Variants in NUF2 observed in about 807,000 individuals in gnomAD.
The protein encoded by NUF2 is kinetochore protein Nuf2.
In NUF2, 34 loss-of-function variants were observed where a neutral mutation model predicts 61.8. The ratio of observed to expected loss-of-function variants is 0.55; its 90% confidence interval spans 0.42 to 0.73. NUF2 has a LOEUF of 0.73. Among genes scored for constraint, NUF2 ranks in the 30% least tolerant of loss-of-function variants. NUF2 has a pLI of 0.00. For missense variants in NUF2, 445 were observed against 539.1 expected, an observed-to-expected ratio of 0.83 and a Z score of 1.73; for synonymous variants, 172 against 181.6, an observed-to-expected ratio of 0.95 and a Z score of 0.42.
chr1:163,334,251 A>T (rs540406823), intron 5 of NUF2, among the ~76,000 whole-genome samples: 2 of 152,302 alleles, frequency 1.3e-5, no homozygotes, highest in Middle Eastern at 6.8e-3. Context: ...TATGTTTGCT[A>T]TTGTGAATAG....
In NUF2 at chr1:163,346,716, A is replaced by G. The variant is rs181186031; in HGVS notation, c.948+898A>G. Among the ~76,000 whole-genome samples, 233 of 152,284 alleles carry G rather than the reference A, an allele frequency of 1.5e-3. 1 individual carries two copies. Among genetic ancestry groups the G allele is most frequent in the Admixed American group, 3.3e-3 (51 of 15,298 alleles). On this transcript the variant is annotated intron_variant, in intron 11 of 13. Transcript: ENST00000271452. ...AGAAAATTTTAAAAATTAGCCAGCTATAATGGTGTATGTCTGTAGTCCCAG... is the reference window on the plus strand; with the variant it reads ...AGAAAATTTTAAAAATTAGCCAGCTGTAATGGTGTATGTCTGTAGTCCCAG...
intron 11 of NUF2, among the ~76,000 whole-genome samples, chr1:163,346,561 T>G (rs553356950): frequency 2.0e-5 from 3 of 152,236 alleles, no homozygotes; most frequent in Non-Finnish European, 2.9e-5. Flanking sequence ...GATGATTCAC[T>G]TCCAGGGTCA....
Position 163,324,966 on chromosome 1 carries a change from A to G in NUF2, c.-20-1066A>G, listed in dbSNP as rs571170562. Among the ~76,000 whole-genome samples the G allele has an allele frequency of 1.1e-3, 162 of 144,274 alleles. 1 individual carries two copies. The highest frequency in any genetic ancestry group is 3.9e-3 in the African/African-American group (153 of 38,882). The allele number at this position is 144,274 out of a possible 152,430, so 94.6% of individuals were successfully genotyped here. A position where few individuals can be genotyped will look rare whatever the true frequency, so the allele number is the denominator to read the frequency against. ...GGCTGGAGTGCAGTGGTGCGATCTC[A>G]GTTCATTGCAACTTCTGCTTCCCAG... On this transcript the variant is annotated intron_variant, in intron 1 of 13. Transcript: ENST00000271452.
chr1:163,327,589 G>T, intron 3 of NUF2, 27 bp downstream of exon 3: 1 of 1,459,406 alleles, frequency 6.9e-7, no homozygotes, highest in South Asian at 1.1e-5. Flanking sequence ...GCAAAATTAT[G>T]GGGTTTTTTT....
chr1:163,329,131 C>T (rs562278241), intron 5 of NUF2, among the ~76,000 whole-genome samples: 1 of 151,918 alleles, frequency 6.6e-6, no homozygotes, highest in East Asian at 1.9e-4. Flanking sequence ...TTTTTTAAAA[C>T]TCCTTCCATT....
Position 163,355,556 on chromosome 1 carries a change from C to A in NUF2, c.*87C>A. On this transcript the variant is annotated 3_prime_UTR_variant, in exon 14 of 14. Transcript: ENST00000271452. ...GAAAAGTTGAAGCGAATGGAAGTAT[C>A]AGAAGTACCAAATAATGTTGGCTTC... is the stretch of plus-strand genomic sequence containing the variant. The A allele has an allele frequency of 8.6e-7, 1 of 1,162,864 alleles. No homozygotes were observed. The highest frequency in any genetic ancestry group is 2.6e-5 in the Admixed American group (1 of 38,676). 72.0% of individuals were successfully genotyped at this position (1,162,864 alleles called of 1,614,324 possible).
intron 9 of NUF2, 41 bp downstream of exon 9, chr1:163,340,467 A>G: frequency 2.1e-6 from 3 of 1,457,146 alleles, no homozygotes; most frequent in Admixed American, 1.7e-5. Flanking sequence ...AAGTTTGAAT[A>G]TATTGTGTGG....
chr1:163,326,020 T>G lies in NUF2; in HGVS notation c.-20-12T>G, dbSNP rs1650405256. On this transcript the variant is annotated splice_polypyrimidine_tract_variant and intron_variant, in intron 1 of 13. Transcript: ENST00000271452. ...ATCATGTGGTATTTCTCATTGTTTTTTCTTCCTTCAGATTAACAGGAAACT... is the reference window on the plus strand; with the variant it reads ...ATCATGTGGTATTTCTCATTGTTTTGTCTTCCTTCAGATTAACAGGAAACT... The G allele has an allele frequency of 6.2e-7, 1 of 1,603,730 alleles. No individual in the cohort carries two copies. Among genetic ancestry groups the G allele is most frequent in the Non-Finnish European group, 8.5e-7 (1 of 1,172,908 alleles).
intron 2 of NUF2, 48 bp downstream of exon 2, chr1:163,326,222 AG>A: frequency 6.3e-7 from 1 of 1,591,826 alleles, no homozygotes; most frequent in Non-Finnish European, 8.6e-7. Flanking sequence ...TTAGGGAAAA[AG>A]TAAGCTACTA....
At chr1:163,343,237 G>T (rs1483576564) in intron 9 of NUF2, among the ~76,000 whole-genome samples, 1 of 152,116 alleles carries the variant, frequency 6.6e-6, no homozygotes, top group Non-Finnish European at 1.5e-5. Context: ...ACTCCAATTT[G>T]CTCAGTCTTA....
rs765007094 is a variant in NUF2 at position 163,345,684 on chromosome 1, G to A, written c.814G>A (p.Val272Met). Residue 272 changes from valine (V) to methionine (M), a missense_variant, in exon 11 of 14, where the codon GTG becomes ATG. Val to Met is a conservative substitution (Grantham distance 21). Transcript: ENST00000271452. ...TGTTTTTTGTCTTTCAAAGCAAGAA[G>A]TGGTGGAGAAATATGAAATCTATGG... is the stretch of plus-strand genomic sequence containing the variant. ...VQKLKNARQE[V>M]VEKYEIYGDS... The A allele has an allele frequency of 3.7e-5, 59 of 1,610,200 alleles. No homozygotes were observed. Among genetic ancestry groups the A allele is most frequent in the Non-Finnish European group, 4.8e-5 (57 of 1,178,860 alleles).
At chr1:163,355,139 C>CT (rs11379728) in intron 13 of NUF2, among the ~76,000 whole-genome samples, 196 bp from the exon 14 acceptor site, 135,963 of 152,022 alleles carry the variant, frequency 0.89, 61,559 homozygotes, top group East Asian at 0.98. Flanking sequence ...AAGTAGCAAA[C>CT]TTTTTGATGT....
intron 5 of NUF2, among the ~76,000 whole-genome samples, chr1:163,336,353 G>C (rs954939998): frequency 2.0e-5 from 3 of 152,156 alleles, no homozygotes; most frequent in African/African-American, 7.2e-5. Context: ...TCTTTCTCTG[G>C]AGTACAGCCT....
rs1473228156 is a variant in NUF2, at chr1:163,335,635, C to T, written c.338-1116C>T. 8.6e-5 allele frequency among the ~76,000 whole-genome samples: 13 copies of T among 151,958 alleles called. 1 individual carries two copies. The South Asian group carries it at 2.7e-3, about 32-fold the overall frequency. On this transcript the variant is annotated intron_variant, in intron 5 of 13. Coordinates refer to ENST00000271452, the MANE Select transcript of NUF2 (RefSeq NM_145697.3). The stretch of plus-strand genomic sequence containing the variant: ...CCCCTGCCCGCCATTTACGTTTGTT[C>T]ACTTTCTTGGATATGGTTATTGTTT...
Position 163,349,059 on chromosome 1 carries a change from A to G in NUF2, c.1239A>G (p.Glu413=), listed in dbSNP as rs200200000. The G allele has an allele frequency of 1.2e-5, 19 of 1,608,274 alleles. No homozygotes were observed. In the East Asian group the frequency reaches 4.2e-4, roughly 36 times the overall value. The part of the protein sequence containing the change: ...LGIQQLKDAA[E]REKLKSQEIF... ...TTCAACAACTAAAAGATGCTGCTGA[A>G]AGGGAGAAACTGAAGTCCCAGGTGA... Residue 413 remains glutamate, a synonymous_variant, in exon 13 of 14, where the codon GAA becomes GAG. Coordinates refer to ENST00000271452, the MANE Select transcript of NUF2 (RefSeq NM_145697.3).
Position 163,347,768 on chromosome 1 carries a change from G to T in NUF2, c.954G>T (p.Leu318=). The change falls in exon 12 of 14, where the codon CTG becomes CTT. Residue 318 remains leucine, a synonymous_variant. Transcript: ENST00000271452. ...EKLASILKES[L]NLEDQIESDE... ...ATACTTCTTATAAAATACAGAGCCT[G>T]AACTTGGAGGACCAAATTGAGAGTG... 1 of 1,561,184 alleles carries T rather than the reference G, an allele frequency of 6.4e-7. No individual in the cohort carries two copies. The highest frequency in any genetic ancestry group is 1.2e-5 in the South Asian group (1 of 81,294).
intron 3 of NUF2, 22 bp from the exon 4 acceptor site, chr1:163,328,206 T>G: frequency 1.3e-6 from 2 of 1,531,684 alleles, no homozygotes; most frequent in Non-Finnish European, 1.8e-6. Context: ...GTAATGTCGA[T>G]TTTGTGGTTT....
At chr1:163,331,536 C>T (rs1458183465) in intron 5 of NUF2, among the ~76,000 whole-genome samples, 4 of 151,828 alleles carry the variant, frequency 2.6e-5, no homozygotes, top group Non-Finnish European at 5.9e-5. Context: ...GGAAAGATTC[C>T]CGCTTCCATT....
chr1:163,343,327 G>C (rs1651009673), intron 9 of NUF2, among the ~76,000 whole-genome samples: 2 of 152,186 alleles, frequency 1.3e-5, no homozygotes, highest in South Asian at 4.1e-4. Context: ...TAGAGAAAAT[G>C]GGAGCAGGAT....
Sources: gnomAD v4.1 joint callset for allele counts (sites outside exome capture counted in the v4.1 genomes callset) on GRCh38, gnomAD v4.1.1 for gene constraint, MANE v1.5 for transcripts, NCBI Gene and HGNC (gene_info 2026-07-23, HGNC 2026-07-21) for gene names.